Variants in SYT12 observed in about 807,000 individuals in gnomAD.
SYT12 encodes the protein synaptotagmin-12.
Under a neutral mutation model 39.5 loss-of-function variants are expected in SYT12, and 27 were observed. That is an observed-to-expected ratio of 0.68 (90% CI 0.50 to 0.94). The LOEUF (loss-of-function observed/expected upper bound fraction) is 0.94. Ranked by LOEUF, SYT12 falls within the 40% of genes least tolerant of loss-of-function variation. The probability of loss-of-function intolerance (pLI) is 0.00; values close to 1 mark genes in which losing one functional copy is unlikely to be tolerated. For synonymous variants in SYT12, 233 were observed against 239.7 expected (o/e 0.97, Z 0.26); for missense variants, 536 against 572.6 (o/e 0.94, Z 0.65).
At chr11:67,038,328 G>A (rs1424130379) in intron 3 of SYT12, among the ~76,000 whole-genome samples, 3 of 151,762 alleles carry the variant, frequency 2.0e-5, no homozygotes, top group African/African-American at 4.8e-5. Flanking sequence ...CGCCACACCC[G>A]GCTAATTTTT....
intron 4 of SYT12, among the ~76,000 whole-genome samples, chr11:67,042,814 A>C (rs1950538257): frequency 6.6e-6 from 1 of 151,962 alleles, no homozygotes; most frequent in African/African-American, 2.4e-5. Context: ...GAACGTGAGC[A>C]CTGTGCGAGG....
At chr11:67,020,340 G>A (rs1950096712), upstream of SYT12, among the ~76,000 whole-genome samples, 1 of 152,190 alleles carries the variant, frequency 6.6e-6, no homozygotes, top group Admixed American at 6.5e-5. Context: ...AGGGATGGTG[G>A]CATGAAAGTT....
intron 3 of SYT12, among the ~76,000 whole-genome samples, chr11:67,036,103 A>T (rs1317371561): frequency 6.6e-6 from 1 of 151,116 alleles, no homozygotes; most frequent in Non-Finnish European, 1.5e-5. Flanking sequence ...TTTTTTGTAG[A>T]GACGGGGTTT....
intron 5 of SYT12, among the ~76,000 whole-genome samples, chr11:67,044,319 C>A (rs1006009187): frequency 2.0e-5 from 3 of 152,236 alleles, no homozygotes; most frequent in Non-Finnish European, 4.4e-5. Flanking sequence ...TTGATAGCTA[C>A]ATTTGACAGG....
At chr11:67,041,354 C>T (rs994981631) in intron 4 of SYT12, among the ~76,000 whole-genome samples, 5 of 151,878 alleles carry the variant, frequency 3.3e-5, no homozygotes, top group Non-Finnish European at 2.9e-5. Context: ...ACCTGTAATC[C>T]CAGCTATTGA....
upstream of SYT12, among the ~76,000 whole-genome samples, chr11:67,022,453 C>G (rs867949961): frequency 1.3e-5 from 2 of 152,240 alleles, no homozygotes; most frequent in Non-Finnish European, 2.9e-5. Flanking sequence ...CAGTGCAAGC[C>G]GTGCCTCACT....
rs374503478 is a variant in SYT12 at position 67,024,469 on chromosome 11, G to A, written c.-24+1009G>A. Among the ~76,000 whole-genome samples the A allele has an allele frequency of 3.5e-4, 54 of 152,280 alleles. 4 individuals are homozygous for A. The highest frequency in any genetic ancestry group is 1.9e-3 in the Admixed American group (29 of 15,306). On this transcript the variant is annotated intron_variant, in intron 1 of 7. Coordinates refer to ENST00000527043, the MANE Select transcript of SYT12 (RefSeq NM_177963.4). ...GGCTCCCAGCCTGGGTTTCAAACCCGGACTCTGCCACTTGTCAGCTCTGGT... is the reference window on the plus strand; with the variant it reads ...GGCTCCCAGCCTGGGTTTCAAACCCAGACTCTGCCACTTGTCAGCTCTGGT...
At chr11:67,010,532 C>G (rs57165118) in intron 2 of SYT12, among the ~76,000 whole-genome samples, 7,033 of 152,294 alleles carry the variant, frequency 0.046, 307 homozygotes, top group East Asian at 0.11. Context: ...GAGCTCATGC[C>G]CCTTCATCTT....
Position 67,050,789 on chromosome 11 carries a change from A to C in SYT12, c.*2032A>C, listed in dbSNP as rs1280536578. 2 of 152,226 alleles carry C rather than the reference A, an allele frequency of 1.3e-5. No homozygotes were observed. Among genetic ancestry groups the C allele is most frequent in the Non-Finnish European group, 1.5e-5 (1 of 68,086 alleles). The allele number at this position is 152,226 out of a possible 1,614,324, so 9.4% of individuals were successfully genotyped here. On this transcript the variant is annotated 3_prime_UTR_variant, in exon 8 of 8. Transcript: ENST00000527043. ...ACTGGAATGATTCTAGAACCAAAAT[A>C]AAGTTGGGGCAGGAAGAGGGGGCTT...
intron 1 of SYT12, 36 bp downstream of exon 1, chr11:67,023,496 G>C (rs1950139117): frequency 6.6e-6 from 1 of 151,582 alleles, no homozygotes; most frequent in Non-Finnish European, 1.5e-5. Flanking sequence ...GTGCGCGGCC[G>C]GGATCGCACC....
At chr11:67,045,915 C>T (rs1854533001) in intron 7 of SYT12, 38 bp downstream of exon 7, 2 of 1,611,360 alleles carry the variant, frequency 1.2e-6, no homozygotes, top group Admixed American at 3.4e-5. Flanking sequence ...GCCAGGTCAC[C>T]CCAGGGCTCT....
chr11:67,048,849 C>T lies in SYT12; in HGVS notation c.*92C>T, dbSNP rs878977185. The T allele has an allele frequency of 1.3e-5, 19 of 1,427,106 alleles. No homozygotes were observed. In the Admixed American group the frequency reaches 1.6e-4, roughly 12 times the overall value. 88.4% of individuals were successfully genotyped at this position (1,427,106 alleles called of 1,614,324 possible). On this transcript the variant is annotated 3_prime_UTR_variant, in exon 8 of 8. Coordinates refer to ENST00000527043, the MANE Select transcript of SYT12 (RefSeq NM_177963.4). Reference sequence around the variant, plus strand: ...GCCCTCTCCATAGCCCAGCTGGAGCCGTGAACACTGGGGTCCCCTGGCAGA... The same window carrying T: ...GCCCTCTCCATAGCCCAGCTGGAGCTGTGAACACTGGGGTCCCCTGGCAGA...
chr11:67,040,825 G>A (rs1399738676), intron 4 of SYT12, among the ~76,000 whole-genome samples: 1 of 151,168 alleles, frequency 6.6e-6, no homozygotes, highest in African/African-American at 2.4e-5. Flanking sequence ...GCGACAGAGG[G>A]AGACTCTGTC....
At chr11:67,017,835 T>A (rs906488214) in intron 3 of SYT12, among the ~76,000 whole-genome samples, 12 of 147,802 alleles carry the variant, frequency 8.1e-5, no homozygotes, top group African/African-American at 3.0e-4. Context: ...TGGCAGGCGC[T>A]TGTAATCCCA....
intron 6 of SYT12, 88 bp downstream of exon 6, chr11:67,044,801 G>A (rs1044145689): frequency 8.9e-6 from 14 of 1,569,414 alleles, no homozygotes; most frequent in African/African-American, 1.3e-5. Context: ...CGGAGGCATC[G>A]GCAGGTGTGG....
In SYT12 at chr11:67,017,717, T is replaced by C. The variant is rs1950069147; in HGVS notation, c.-68-4152T>C. ...GCTGACACCTGTAATCCCAGCACTTTGGGAGGCCAAGACGGGTGGATCACC... is the reference window on the plus strand; with the variant it reads ...GCTGACACCTGTAATCCCAGCACTTCGGGAGGCCAAGACGGGTGGATCACC... On this transcript the variant is annotated intron_variant, in intron 3 of 10. Transcript: ENST00000393946. Among the ~76,000 whole-genome samples the C allele has an allele frequency of 2.0e-5, 3 of 151,046 alleles. No individual in the cohort carries two copies. In the South Asian group the frequency reaches 6.4e-4, roughly 32 times the overall value.
chr11:67,044,551 C>T lies in SYT12; in HGVS notation c.838-42C>T, dbSNP rs745642175. 124 of 1,600,214 alleles carry T rather than the reference C, an allele frequency of 7.7e-5. No homozygotes were observed. In the East Asian group the frequency reaches 1.4e-3, roughly 18 times the overall value. The stretch of plus-strand genomic sequence containing the variant: ...AAGGCTTTCCCTGGACCCCTCAAGT[C>T]GGGTGGGGAGAAGCCCTCTGAGCCA... On this transcript the variant is annotated intron_variant, in intron 5 of 7. Coordinates refer to ENST00000527043, the MANE Select transcript of SYT12 (RefSeq NM_177963.4).
chr11:67,046,223 A>G (rs2136234026), intron 7 of SYT12, among the ~76,000 whole-genome samples: 1 of 152,232 alleles, frequency 6.6e-6, no homozygotes, highest in East Asian at 1.9e-4. Context: ...GGGGTGAGCC[A>G]GGCACCCAGA....
At chr11:67,042,856 G>A (rs1038208862) in intron 4 of SYT12, among the ~76,000 whole-genome samples, 1 of 152,114 alleles carries the variant, frequency 6.6e-6, no homozygotes, top group African/African-American at 2.4e-5. Context: ...TGACAGAAGA[G>A]TGTGGTCATG....
Sources: gnomAD v4.1 joint callset for allele counts (sites outside exome capture counted in the v4.1 genomes callset) on GRCh38, gnomAD v4.1.1 for gene constraint, MANE v1.5 for transcripts, NCBI Gene and HGNC (gene_info 2026-07-23, HGNC 2026-07-21) for gene names.